Variants in ZNF704 observed in about 807,000 individuals in gnomAD.
ZNF704 encodes the protein zinc finger protein 704.
Under a neutral mutation model 44.7 loss-of-function variants are expected in ZNF704, and 10 were observed. The observed-to-expected ratio is 0.22, with a 90% confidence interval of 0.14 to 0.38. The LOEUF (loss-of-function observed/expected upper bound fraction) is 0.38. Among genes scored for constraint, ZNF704 ranks in the 10% least tolerant of loss-of-function variants. The pLI, the probability that ZNF704 is intolerant of heterozygous loss-of-function variation, is 1.00. For synonymous variants in ZNF704, 211 were observed against 207.6 expected (o/e 1.02, Z -0.14); for missense variants, 390 against 545.5 (o/e 0.71, Z 2.84).
In ZNF704 at chr8:80,659,643, T is replaced by C. The variant is rs758930450; in HGVS notation, c.974A>G (p.Asn325Ser). ...TIPGSAKFTP[N>S]GSSFSISWQS... ...CCAGGAAATGCTGAAGCTGCTGCCATTGGGGGTGAACTTGGCCGATCCTGG... is the reference window on the plus strand; with the variant it reads ...CCAGGAAATGCTGAAGCTGCTGCCACTGGGGGTGAACTTGGCCGATCCTGG... Residue 325 changes from asparagine to serine, a missense_variant, in exon 7 of 9, where the codon AAT becomes AGT. By Grantham distance (46) the Asn-to-Ser change is conservative (BLOSUM62 1). Coordinates refer to ENST00000327835, the MANE Select transcript of ZNF704 (RefSeq NM_001033723.3). The C allele has an allele frequency of 8.7e-6, 14 of 1,613,938 alleles. No individual in the cohort carries two copies. In the Admixed American group the frequency reaches 1.5e-4, roughly 17 times the overall value.
At chr8:80,747,299 T>C (rs368075116) in intron 2 of ZNF704, among the ~76,000 whole-genome samples, 210 of 152,200 alleles carry the variant, frequency 1.4e-3, no homozygotes, top group African/African-American at 5.0e-3. Context: ...CCACCAAACA[T>C]TTAATAATTT....
chr8:80,665,659 AC>A (rs1032798227), intron 5 of ZNF704, among the ~76,000 whole-genome samples: 2 of 151,960 alleles, frequency 1.3e-5, no homozygotes, highest in African/African-American at 2.4e-5. Context: ...CTGCACTTGT[AC>A]CCCCCCATTC....
At chr8:80,693,186 G>C in intron 2 of ZNF704, 79 bp from the exon 3 acceptor site, 1 of 1,184,830 alleles carries the variant, frequency 8.4e-7, no homozygotes, top group Non-Finnish European at 1.3e-6. Flanking sequence ...ACGCTGTCAC[G>C]CATTTACTCC....
intron 4 of ZNF704, among the ~76,000 whole-genome samples, chr8:80,683,366 T>C (rs937993488): frequency 6.6e-6 from 1 of 152,216 alleles, no homozygotes; most frequent in Non-Finnish European, 1.5e-5. Flanking sequence ...GGATACTTCA[T>C]GTGGGAAGTA....
intron 2 of ZNF704, among the ~76,000 whole-genome samples, chr8:80,820,474 G>C (rs1808250512): frequency 6.6e-6 from 1 of 152,002 alleles, no homozygotes; most frequent in South Asian, 2.1e-4. Flanking sequence ...TTTTAAAGTA[G>C]ATCTATCATA....
chr8:80,667,966 C>T (rs1386980763), intron 5 of ZNF704, among the ~76,000 whole-genome samples: 1 of 152,108 alleles, frequency 6.6e-6, no homozygotes, highest in Non-Finnish European at 1.5e-5. Flanking sequence ...ACGTAAAATG[C>T]TTATTAAATA....
chr8:80,781,515 G>A (rs1807522616), intron 2 of ZNF704, among the ~76,000 whole-genome samples: 1 of 152,206 alleles, frequency 6.6e-6, no homozygotes, highest in African/African-American at 2.4e-5. Flanking sequence ...AACAGGTGGT[G>A]AACCAGATTT....
At chr8:80,798,900 CG>C (rs1807853764) in intron 2 of ZNF704, among the ~76,000 whole-genome samples, 2 of 152,238 alleles carry the variant, frequency 1.3e-5, no homozygotes, top group Admixed American at 1.3e-4. Flanking sequence ...GTTTAGGGGC[CG>C]TATCTGGTGA....
In ZNF704 at chr8:80,635,167, GA is replaced by G. The variant is rs1817647175; in HGVS notation, c.*6198del. On this transcript the variant is annotated 3_prime_UTR_variant, in exon 9 of 9. Transcript: ENST00000327835. Reference sequence around the variant, plus strand: ...TTTTGGATTACTAAAATCTTAGAAAGAAAAGGTGCTTTCTTGTTTTAACAGT... The same window carrying G: ...TTTTGGATTACTAAAATCTTAGAAAGAAAGGTGCTTTCTTGTTTTAACAGT... 1 of 152,176 alleles carries G rather than the reference GA, an allele frequency of 6.6e-6. No homozygotes were observed. The highest frequency in any genetic ancestry group is 2.1e-4 in the South Asian group (1 of 4,834). 9.4% of individuals were successfully genotyped at this position (152,176 alleles called of 1,614,324 possible).
At chr8:80,825,278 A>G (rs2129902448) in intron 1 of ZNF704, among the ~76,000 whole-genome samples, 1 of 152,312 alleles carries the variant, frequency 6.6e-6, no homozygotes, top group Admixed American at 6.5e-5. Flanking sequence ...TTGCAATCCT[A>G]GTCTCTGATA....
Position 80,782,169 on chromosome 8 carries a change from C to A in ZNF704, c.221+39205G>T, listed in dbSNP as rs1380379155. Among the ~76,000 whole-genome samples, 4 of 152,114 alleles carry A rather than the reference C, an allele frequency of 2.6e-5. No individual in the cohort carries two copies. In the East Asian group the frequency reaches 7.7e-4, roughly 29 times the overall value. On this transcript the variant is annotated intron_variant, in intron 2 of 8. Transcript: ENST00000327835. ...CAGCTGGGATATATTTATTTTCAAGCCTCTCTACCTGGGTTGCAGACACAA... is the reference window on the plus strand; with the variant it reads ...CAGCTGGGATATATTTATTTTCAAGACTCTCTACCTGGGTTGCAGACACAA...
At chr8:80,870,666 T>C (rs1024748279) in intron 1 of ZNF704, among the ~76,000 whole-genome samples, 3 of 152,194 alleles carry the variant, frequency 2.0e-5, no homozygotes, top group Non-Finnish European at 4.4e-5. Flanking sequence ...TGCTGGCTTC[T>C]CCATTTACAC....
intron 4 of ZNF704, among the ~76,000 whole-genome samples, chr8:80,676,417 C>T (rs1425411076): frequency 2.0e-5 from 3 of 152,152 alleles, no homozygotes; most frequent in Non-Finnish European, 4.4e-5. Context: ...CGCCAATACA[C>T]ACAGCACAGG....
At chr8:80,739,099 G>T (rs982515963) in intron 2 of ZNF704, among the ~76,000 whole-genome samples, 2 of 152,202 alleles carry the variant, frequency 1.3e-5, no homozygotes, top group African/African-American at 4.8e-5. Context: ...CTCAGGTAAT[G>T]AGTATAATTT....
At chr8:80,755,368 T>C (rs1053972875) in intron 2 of ZNF704, among the ~76,000 whole-genome samples, 7 of 152,102 alleles carry the variant, frequency 4.6e-5, no homozygotes, top group African/African-American at 2.4e-5. Flanking sequence ...GGCAGGAGAA[T>C]TGCTTGAGCC....
chr8:80,760,908 A>G (rs1563544354), intron 2 of ZNF704, among the ~76,000 whole-genome samples: 3 of 152,050 alleles, frequency 2.0e-5, no homozygotes. Flanking sequence ...ACACTTTCAA[A>G]TCACCAGATC....
chr8:80,714,717 C>A (rs552049127), intron 2 of ZNF704, among the ~76,000 whole-genome samples: 8 of 152,276 alleles, frequency 5.3e-5, no homozygotes, highest in Admixed American at 5.2e-4. Flanking sequence ...TTCTATTTGA[C>A]TGATAAGTCA....
At chr8:80,694,465 T>C (rs1818693256) in intron 2 of ZNF704, among the ~76,000 whole-genome samples, 1 of 152,150 alleles carries the variant, frequency 6.6e-6, no homozygotes, top group Non-Finnish European at 1.5e-5. Context: ...ATTTTCAAAT[T>C]AGAGAACAGT....
chr8:80,822,096 C>A (rs537433679), intron 1 of ZNF704, among the ~76,000 whole-genome samples: 1 of 152,206 alleles, frequency 6.6e-6, no homozygotes, highest in Middle Eastern at 3.4e-3. Flanking sequence ...TCATCCCCAA[C>A]AGTTAAGATT....
Sources: allele counts gnomAD v4.1 joint callset (sites outside exome capture counted in the v4.1 genomes callset), GRCh38; gene constraint gnomAD v4.1.1; transcripts MANE v1.5; gene names NCBI Gene and HGNC (gene_info 2026-07-23, HGNC 2026-07-21).